Variants in ALPK2 observed in about 807,000 individuals in gnomAD.
ALPK2 encodes the protein alpha kinase 2, also known as alpha-protein kinase 2.
In ALPK2, 127 loss-of-function variants were observed where a neutral mutation model predicts 163.1. That is an observed-to-expected ratio of 0.78 (90% CI 0.67 to 0.90). ALPK2 has a LOEUF of 0.90. Ranked by LOEUF, ALPK2 falls within the 40% of genes least tolerant of loss-of-function variation. The pLI, the probability that ALPK2 is intolerant of heterozygous loss-of-function variation, is 0.00. For synonymous variants in ALPK2, 953 were observed against 959.1 expected (o/e 0.99, Z 0.12); for missense variants, 2,360 against 2,589.6 (o/e 0.91, Z 1.92).
intron 10 of ALPK2, among the ~76,000 whole-genome samples, chr18:58,509,304 T>G (rs939502158): frequency 2.0e-5 from 3 of 152,140 alleles, no homozygotes; most frequent in Non-Finnish European, 2.9e-5. Context: ...TTGGGTTGGT[T>G]CCAAGTCTTT....
chr18:58,537,722 A>G lies in ALPK2; in HGVS notation c.2465T>C (p.Leu822Pro). The G allele has an allele frequency of 1.9e-6, 3 of 1,614,170 alleles. No homozygotes were observed. Among genetic ancestry groups the G allele is most frequent in the Non-Finnish European group, 2.5e-6 (3 of 1,180,000 alleles). The change falls in exon 5 of 13, where the codon CTT (leucine) becomes CCT (proline). Residue 822 changes from leucine to proline, a missense_variant. Coordinates refer to ENST00000361673, the MANE Select transcript of ALPK2 (RefSeq NM_052947.4). ...QGTCFDTIDS[L>P]VGRPVDKYSP... is the part of the protein sequence containing the mutation. ...ATATTTATCAACTGGTCTCCCAACA[A>G]GAGAATCTATGGTATCAAAACACGT...
rs574937890 is a variant in ALPK2, at chr18:58,515,640, A to G, written c.5941-559T>C. ...GGAATACTGAGAGAGAAAAGAAAAAAGCAGAGTGGATTGGGAGAAGAAAGG... is the reference window on the plus strand; with the variant it reads ...GGAATACTGAGAGAGAAAAGAAAAAGGCAGAGTGGATTGGGAGAAGAAAGG... On this transcript the variant is annotated intron_variant, in intron 9 of 12. Coordinates refer to ENST00000361673, the MANE Select transcript of ALPK2 (RefSeq NM_052947.4). Among the ~76,000 whole-genome samples, 42 of 152,346 alleles carry G rather than the reference A, an allele frequency of 2.8e-4. 1 individual carries two copies. The highest frequency in any genetic ancestry group is 9.9e-4 in the African/African-American group (41 of 41,578).
intron 4 of ALPK2, among the ~76,000 whole-genome samples, chr18:58,539,669 TG>T (rs1340033180): frequency 6.6e-6 from 1 of 152,024 alleles, no homozygotes; most frequent in African/African-American, 2.4e-5. Context: ...GGTTCAGGGG[TG>T]GGGATGAAGT....
At chr18:58,613,741 TAATAA>T (rs2052149228) in intron 1 of ALPK2, among the ~76,000 whole-genome samples, 3 of 137,262 alleles carry the variant, frequency 2.2e-5, no homozygotes, top group South Asian at 2.3e-4. Flanking sequence ...ATAATAATAA[TAATAA>T]AATAAAAAGA....
chr18:58,488,456 A>G (rs1274322816), intron 12 of ALPK2, among the ~76,000 whole-genome samples: 3 of 137,142 alleles, frequency 2.2e-5, no homozygotes, highest in Non-Finnish European at 3.2e-5. Context: ...GGATCCGCTC[A>G]CAACCGTGCT....
intron 2 of ALPK2, among the ~76,000 whole-genome samples, chr18:58,607,671 G>A (rs1030498438): frequency 1.3e-5 from 2 of 152,078 alleles, no homozygotes; most frequent in Non-Finnish European, 2.9e-5. Context: ...CTGATGGGTG[G>A]CATACAAAAT....
At chr18:58,526,464 C>T (rs143738937) in intron 6 of ALPK2, among the ~76,000 whole-genome samples, 1 of 152,294 alleles carries the variant, frequency 6.6e-6, no homozygotes, top group East Asian at 1.9e-4. Flanking sequence ...TGGTTCCCAG[C>T]GGGAACAACA....
intron 4 of ALPK2, among the ~76,000 whole-genome samples, chr18:58,564,621 C>T (rs1602220754): frequency 6.6e-6 from 1 of 151,644 alleles, no homozygotes; most frequent in Non-Finnish European, 1.5e-5. Flanking sequence ...CAGTCTCTTC[C>T]ACTTTGTTTG....
At chr18:58,539,657 G>A (rs567121273) in intron 4 of ALPK2, among the ~76,000 whole-genome samples, 1 of 152,318 alleles carries the variant, frequency 6.6e-6, no homozygotes, top group South Asian at 2.1e-4. Flanking sequence ...TTGGCGGGAT[G>A]GGGTTCAGGG....
chr18:58,519,713 C>T (rs2051539757), intron 8 of ALPK2, among the ~76,000 whole-genome samples: 2 of 152,202 alleles, frequency 1.3e-5, no homozygotes, highest in Admixed American at 1.3e-4. Context: ...AGAGCAAGAG[C>T]TGGAGTTCTA....
chr18:58,518,321 T>G (rs919019461), intron 8 of ALPK2, among the ~76,000 whole-genome samples: 1 of 152,186 alleles, frequency 6.6e-6, no homozygotes, highest in Non-Finnish European at 1.5e-5. Flanking sequence ...CGGGTATTGA[T>G]TAAGGTCTCG....
At chr18:58,617,712 A>T (rs80251828) in intron 1 of ALPK2, among the ~76,000 whole-genome samples, 4,083 of 152,288 alleles carry the variant, frequency 0.027, 70 homozygotes, top group East Asian at 0.074. Context: ...TATGTATGGC[A>T]TGAATGGTAT....
At chr18:58,507,740 C>T (rs1275246442) in intron 10 of ALPK2, among the ~76,000 whole-genome samples, 1 of 152,220 alleles carries the variant, frequency 6.6e-6, no homozygotes, top group Admixed American at 6.5e-5. Flanking sequence ...TCCATTTTCC[C>T]TTTAACCTTC....
At chr18:58,484,909 G>A (rs910439029) in intron 12 of ALPK2, among the ~76,000 whole-genome samples, 1 of 152,152 alleles carries the variant, frequency 6.6e-6, no homozygotes, top group Non-Finnish European at 1.5e-5. Flanking sequence ...CAACTGATGC[G>A]GGCTTCCTGT....
intron 9 of ALPK2, among the ~76,000 whole-genome samples, chr18:58,515,973 G>A (rs2051519253): frequency 6.6e-6 from 1 of 152,152 alleles, no homozygotes; most frequent in Non-Finnish European, 1.5e-5. Context: ...CAGCACTTTG[G>A]GAGGCAGAGG....
chr18:58,603,406 C>A (rs1266302788), intron 3 of ALPK2, among the ~76,000 whole-genome samples: 1 of 152,232 alleles, frequency 6.6e-6, no homozygotes. Flanking sequence ...TGTCCCTGCC[C>A]GGTGCTCTAT....
Position 58,537,214 on chromosome 18 carries a change from T to G in ALPK2, c.2973A>C (p.Thr991=), listed in dbSNP as rs372195942. The part of the protein sequence containing the change: ...IVSFPWEKPT[T]LTANNECFQA... ...GAAAGCACTCATTATTAGCAGTTAA[T>G]GTTGTTGGCTTCTCCCAAGGAAAAC... Residue 991 remains threonine (T), a synonymous_variant, in exon 5 of 13, where the codon ACA becomes ACC. Transcript: ENST00000361673. 1 of 1,614,180 alleles carries G rather than the reference T, an allele frequency of 6.2e-7. No homozygotes were observed. The highest frequency in any genetic ancestry group is 1.7e-5 in the Admixed American group (1 of 60,030).
chr18:58,503,471 C>T (rs2051443718), intron 11 of ALPK2, among the ~76,000 whole-genome samples: 2 of 152,120 alleles, frequency 1.3e-5, no homozygotes, highest in Admixed American at 6.5e-5. Context: ...GTGGGAGGAT[C>T]GCTAGAGCCC....
rs762931952 is a variant in ALPK2 at position 58,579,357 on chromosome 18, G to A, written c.1419C>T (p.His473=). The change falls in exon 4 of 13, where the codon CAC becomes CAT. Residue 473 remains histidine, a synonymous_variant. Coordinates refer to ENST00000361673, the MANE Select transcript of ALPK2 (RefSeq NM_052947.4). ...CACTGGCAAATTCCTCTCTTGCTTG[G>A]TGGCTGTCTCTGGTTTCTCCTTGAA... ...PGIQGETRDS[H]QAREEFASDN... is the part of the protein sequence containing the mutation. 8.7e-6 allele frequency: 14 copies of A among 1,613,908 alleles called. No homozygotes were observed. In the South Asian group the frequency reaches 1.2e-4, roughly 14 times the overall value.
Sources: allele counts gnomAD v4.1 joint callset (sites outside exome capture counted in the v4.1 genomes callset), GRCh38; gene constraint gnomAD v4.1.1; transcripts MANE v1.5; gene names NCBI Gene and HGNC (gene_info 2026-07-23, HGNC 2026-07-21).